The following RUNDC3B variants were observed in gnomAD, a reference collection of about 807,000 sequenced individuals.
The protein encoded by RUNDC3B is RUN domain containing 3B, also known as RUN domain-containing protein 3B.
RUNDC3B carries 33 observed loss-of-function variants against 58.4 expected under a neutral mutation model. The ratio of observed to expected loss-of-function variants is 0.56; its 90% CI spans 0.43 to 0.75. The LOEUF (loss-of-function observed/expected upper bound fraction) is 0.75, where lower values mean the gene tolerates loss of function less well. Ranked by LOEUF, RUNDC3B falls within the 30% of genes least tolerant of loss-of-function variation. The pLI is 0.00. For synonymous variants in RUNDC3B, 193 were observed against 195.2 expected (o/e 0.99, Z 0.10); for missense variants, 501 against 535.7 (o/e 0.94, Z 0.64).
At chr7:87,696,101 A>G (rs1828471176) in intron 2 of RUNDC3B, among the ~76,000 whole-genome samples, 1 of 152,148 alleles carries the variant, frequency 6.6e-6, no homozygotes, top group Non-Finnish European at 1.5e-5. Flanking sequence ...AACATTGGGA[A>G]AATGTTAACT....
At chr7:87,718,961 G>T (rs570645592) in intron 4 of RUNDC3B, among the ~76,000 whole-genome samples, 1 of 151,938 alleles carries the variant, frequency 6.6e-6, no homozygotes, top group African/African-American at 2.4e-5. Context: ...CTAGAAAACC[G>T]TAGAGATTCA....
At chr7:87,703,797 A>G (rs567096407) in intron 3 of RUNDC3B, among the ~76,000 whole-genome samples, 1 of 135,744 alleles carries the variant, frequency 7.4e-6, no homozygotes, top group African/African-American at 2.8e-5. Flanking sequence ...TAATTCATTT[A>G]CTTACTTTTT....
intron 8 of RUNDC3B, among the ~76,000 whole-genome samples, chr7:87,804,558 T>G (rs1456042494): frequency 2.0e-5 from 3 of 152,136 alleles, no homozygotes; most frequent in Non-Finnish European, 4.4e-5. Flanking sequence ...CACGGGGAAG[T>G]TCTGAAAATT....
intron 10 of RUNDC3B, among the ~76,000 whole-genome samples, chr7:87,822,089 T>G (rs898998787): frequency 2.6e-5 from 4 of 151,998 alleles, no homozygotes; most frequent in Non-Finnish European, 4.4e-5. Flanking sequence ...GAAACTACCA[T>G]CAGAGTGAAC....
intron 1 of RUNDC3B, among the ~76,000 whole-genome samples, chr7:87,633,668 A>AT (rs202092343): frequency 0.012 from 1,811 of 146,868 alleles, 35 homozygotes; most frequent in African/African-American, 0.04. Flanking sequence ...CAGGTGTTTA[A>AT]TTTTTTTTTT....
At chr7:87,664,779 A>C in intron 2 of RUNDC3B, among the ~76,000 whole-genome samples, 1 of 152,174 alleles carries the variant, frequency 6.6e-6, no homozygotes, top group Admixed American at 6.5e-5. Context: ...TCTTAGAAGG[A>C]GAGGAGGAAG....
At chr7:87,774,876 G>A (rs1258385928) in intron 7 of RUNDC3B, among the ~76,000 whole-genome samples, 1 of 152,114 alleles carries the variant, frequency 6.6e-6, no homozygotes, top group Non-Finnish European at 1.5e-5. Context: ...GTAACACAGT[G>A]CATTACTCAT....
intron 7 of RUNDC3B, among the ~76,000 whole-genome samples, chr7:87,773,322 C>CAAAAAAAA (rs760846940): frequency 1.7e-5 from 1 of 58,170 alleles, no homozygotes; most frequent in Non-Finnish European, 3.7e-5. Flanking sequence ...GACTCCGTCT[C>CAAAAAAAA]AAAAAAAAAA....
intron 2 of RUNDC3B, among the ~76,000 whole-genome samples, chr7:87,657,237 G>A (rs908708708): frequency 6.6e-6 from 1 of 152,052 alleles, no homozygotes; most frequent in Non-Finnish European, 1.5e-5. Context: ...TCCCAGACTG[G>A]GTGTTGGATA....
chr7:87,652,748 T>C (rs1313414253), intron 2 of RUNDC3B, among the ~76,000 whole-genome samples: 1 of 151,566 alleles, frequency 6.6e-6, no homozygotes, highest in African/African-American at 2.4e-5. Flanking sequence ...GGTATTTTAA[T>C]ATATAGCAAA....
chr7:87,714,754 C>T (rs1830396330), intron 4 of RUNDC3B, among the ~76,000 whole-genome samples: 1 of 151,892 alleles, frequency 6.6e-6, no homozygotes, highest in Non-Finnish European at 1.5e-5. Flanking sequence ...CTATCTTATC[C>T]ATATGGACAG....
intron 4 of RUNDC3B, among the ~76,000 whole-genome samples, chr7:87,722,239 T>G (rs1440112791): frequency 1.3e-5 from 2 of 152,092 alleles, no homozygotes; most frequent in African/African-American, 4.8e-5. Context: ...TTTCAGTAAT[T>G]TTGAAATATA....
chr7:87,756,850 ACT>A (rs1167889812), intron 6 of RUNDC3B, among the ~76,000 whole-genome samples: 1 of 152,076 alleles, frequency 6.6e-6, no homozygotes, highest in Non-Finnish European at 1.5e-5. Flanking sequence ...TGGAATATGC[ACT>A]GTTTGAAGAA....
At chr7:87,772,500 ACTAGTCTTTTGAG>A (rs540272407) in intron 7 of RUNDC3B, among the ~76,000 whole-genome samples, 125 of 152,312 alleles carry the variant, frequency 8.2e-4, no homozygotes, top group African/African-American at 3.0e-3. Context: ...ATGAATTTTG[ACTAGTCTTTTGAG>A]CTAGTCTTTT....
intron 3 of RUNDC3B, among the ~76,000 whole-genome samples, chr7:87,709,818 T>C (rs1829907782): frequency 6.6e-6 from 1 of 152,192 alleles, no homozygotes; most frequent in Admixed American, 6.5e-5. Context: ...TGAGTGAAAA[T>C]GAAAATAATT....
At chr7:87,812,737 T>A (rs1836794684) in intron 9 of RUNDC3B, among the ~76,000 whole-genome samples, 1 of 152,230 alleles carries the variant, frequency 6.6e-6, no homozygotes, top group Non-Finnish European at 1.5e-5. Flanking sequence ...AAACTACTTG[T>A]ATGTAAAAAA....
intron 8 of RUNDC3B, among the ~76,000 whole-genome samples, chr7:87,803,730 A>C (rs1486847748): frequency 6.6e-6 from 1 of 152,170 alleles, no homozygotes; most frequent in African/African-American, 2.4e-5. Flanking sequence ...TACCTAATAC[A>C]TTTACTTGAT....
chr7:87,710,086 T>C (rs1829935353), intron 3 of RUNDC3B, among the ~76,000 whole-genome samples: 1 of 152,122 alleles, frequency 6.6e-6, no homozygotes, highest in Non-Finnish European at 1.5e-5. Flanking sequence ...GAAATTTGGA[T>C]TTTATTACTA....
chr7:87,753,397 G>C (rs1372633676), intron 6 of RUNDC3B, among the ~76,000 whole-genome samples: 1 of 151,860 alleles, frequency 6.6e-6, no homozygotes, highest in Admixed American at 6.6e-5. Flanking sequence ...GGTCCACTTG[G>C]TGCAGAGCTG....
Sources: allele counts gnomAD v4.1 joint callset (sites outside exome capture counted in the v4.1 genomes callset), GRCh38; gene constraint gnomAD v4.1.1; transcripts MANE v1.5; gene names NCBI Gene and HGNC (gene_info 2026-07-23, HGNC 2026-07-21).